Variants in CEP112 observed in about 807,000 individuals in gnomAD.
The protein encoded by CEP112 is centrosomal protein 112.
Under a neutral mutation model 153.0 loss-of-function variants are expected in CEP112, and 127 were observed. The observed-to-expected ratio is 0.83, with a 90% CI of 0.72 to 0.96. The LOEUF is 0.96. CEP112 is among the 40% of genes least tolerant of loss of function. CEP112 has a pLI of 0.00. For synonymous variants in CEP112, 358 were observed against 374.4 expected (o/e 0.96, Z 0.51); for missense variants, 1,089 against 1,101.2 (o/e 0.99, Z 0.16).
intron 21 of CEP112, among the ~76,000 whole-genome samples, chr17:65,845,751 T>G (rs1286234958): frequency 6.6e-6 from 1 of 152,198 alleles, no homozygotes; most frequent in Non-Finnish European, 1.5e-5. Context: ...TTTATGGACT[T>G]TGTTTCAATT....
intron 21 of CEP112, among the ~76,000 whole-genome samples, chr17:65,841,876 C>G (rs1390521093): frequency 6.7e-6 from 1 of 148,454 alleles, no homozygotes; most frequent in African/African-American, 2.4e-5. Context: ...AAAGTCCCCC[C>G]AGACCTAAAC....
At chr17:66,186,108 G>A (rs956992615) in intron 1 of CEP112, among the ~76,000 whole-genome samples, 6 of 151,500 alleles carry the variant, frequency 4.0e-5, no homozygotes, top group African/African-American at 1.5e-4. Context: ...CCATGCAATG[G>A]AAGGAAAACA....
At position 66,130,775 on chromosome 17, in the gene CEP112, C is replaced by CAAAA. The variant is rs539232836; in HGVS notation, c.565-956_565-953dup. Among the ~76,000 whole-genome samples, 135 of 84,798 alleles carry CAAAA rather than the reference C, an allele frequency of 1.6e-3. 2 individuals are homozygous for CAAAA. Among genetic ancestry groups the CAAAA allele is most frequent in the Admixed American group, 2.4e-3 (17 of 7,112 alleles). 55.6% of individuals were successfully genotyped at this position (84,798 alleles called of 152,430 possible). On this transcript the variant is annotated intron_variant, in intron 5 of 26. Transcript: ENST00000535342. ...TGGGCGACAGAGCGAGACTCCGTCTCAAAAAAAAAAAAAAAAAACACACAC... is the reference window on the plus strand; with the variant it reads ...TGGGCGACAGAGCGAGACTCCGTCTCAAAAAAAAAAAAAAAAAAAAAACACACAC...
intron 17 of CEP112, among the ~76,000 whole-genome samples, chr17:65,967,279 T>A (rs1002340892): frequency 1.3e-5 from 2 of 152,164 alleles, no homozygotes; most frequent in African/African-American, 4.8e-5. Context: ...AAAAACCTCT[T>A]AAGAAGATAT....
chr17:65,951,749 C>CCCCCCCG (rs71160510), intron 18 of CEP112, among the ~76,000 whole-genome samples: 24,442 of 104,804 alleles, frequency 0.23, 4,918 homozygotes, highest in East Asian at 0.72. Flanking sequence ...CCCCGCCCCC[C>CCCCCCCG]CCTTTCTTCC....
chr17:66,165,697 T>A (rs2071924937), intron 4 of CEP112, among the ~76,000 whole-genome samples: 1 of 152,226 alleles, frequency 6.6e-6, no homozygotes, highest in Non-Finnish European at 1.5e-5. Context: ...ATTAACTTCT[T>A]CAACCACAAG....
intron 12 of CEP112, among the ~76,000 whole-genome samples, chr17:66,047,925 C>T (rs4479282): frequency 0.41 from 62,481 of 151,978 alleles, 14,313 homozygotes; most frequent in East Asian, 0.87. Flanking sequence ...TCCAGAGATG[C>T]TCAAGTCCCT....
intron 24 of CEP112, among the ~76,000 whole-genome samples, chr17:65,667,524 A>G (rs1347310909): frequency 6.6e-6 from 1 of 151,726 alleles, no homozygotes; most frequent in Non-Finnish European, 1.5e-5. Context: ...CTATAATTTA[A>G]GAAGGATATG....
At position 66,128,061 on chromosome 17, in the gene CEP112, G is replaced by C. The variant is rs553084526; in HGVS notation, c.642+1685C>G. On this transcript the variant is annotated intron_variant, in intron 6 of 26. Transcript: ENST00000535342. ...CACACTTGTAATCCCAGCACTCTGG[G>C]AGGCCAAGGTGGGCAGATCACCTGA... Among the ~76,000 whole-genome samples the C allele has an allele frequency of 2.6e-5, 4 of 152,252 alleles. No individual in the cohort carries two copies. The South Asian group carries it at 8.3e-4, about 32-fold the overall frequency.
intron 4 of CEP112, among the ~76,000 whole-genome samples, chr17:66,154,469 C>T (rs1598452463): frequency 2.6e-5 from 4 of 152,086 alleles, no homozygotes; most frequent in South Asian, 2.1e-4. Flanking sequence ...GAGCCAAGAT[C>T]GTGCCACTGC....
At chr17:66,126,219 T>C (rs1415316931) in intron 6 of CEP112, among the ~76,000 whole-genome samples, 1 of 152,218 alleles carries the variant, frequency 6.6e-6, no homozygotes, top group Non-Finnish European at 1.5e-5. Flanking sequence ...CTTAAAACTG[T>C]AGCACTTTAC....
intron 11 of CEP112, among the ~76,000 whole-genome samples, chr17:66,056,948 G>A (rs1285704330): frequency 6.6e-6 from 1 of 152,102 alleles, no homozygotes; most frequent in Admixed American, 6.6e-5. Flanking sequence ...TTGACAGCTG[G>A]GGCAAAAGTC....
At chr17:65,730,220 G>T (rs1034396043) in intron 23 of CEP112, among the ~76,000 whole-genome samples, 1 of 152,160 alleles carries the variant, frequency 6.6e-6, no homozygotes, top group Non-Finnish European at 1.5e-5. Flanking sequence ...AATAAAAACT[G>T]CCAGAGAATA....
At chr17:66,133,224 C>A (rs1044020941) in intron 4 of CEP112, among the ~76,000 whole-genome samples, 1 of 152,098 alleles carries the variant, frequency 6.6e-6, no homozygotes, top group African/African-American at 2.4e-5. Context: ...TAATAAATCA[C>A]CTGTATTTAA....
chr17:65,938,925 C>T (rs573236262), intron 18 of CEP112, among the ~76,000 whole-genome samples: 2 of 152,198 alleles, frequency 1.3e-5, no homozygotes, highest in African/African-American at 4.8e-5. Context: ...AATTCTCCTG[C>T]CTCAGCCTCC....
chr17:66,161,600 C>T (rs1386466025), intron 4 of CEP112, among the ~76,000 whole-genome samples: 1 of 151,982 alleles, frequency 6.6e-6, no homozygotes, highest in Non-Finnish European at 1.5e-5. Context: ...AACCAAACAC[C>T]GCATGTTCTC....
At chr17:66,171,940 T>G (rs2072259831) in intron 4 of CEP112, among the ~76,000 whole-genome samples, 1 of 152,186 alleles carries the variant, frequency 6.6e-6, no homozygotes, top group Non-Finnish European at 1.5e-5. Context: ...AGGGAATCGC[T>G]ATAAACTACA....
intron 4 of CEP112, among the ~76,000 whole-genome samples, chr17:66,146,490 T>C (rs2070925419): frequency 6.6e-6 from 1 of 152,122 alleles, no homozygotes; most frequent in Non-Finnish European, 1.5e-5. Context: ...CTTTTTAAAA[T>C]GTTTTATTAT....
At chr17:65,906,269 G>GT (rs897414451) in intron 19 of CEP112, among the ~76,000 whole-genome samples, 1 of 151,854 alleles carries the variant, frequency 6.6e-6, no homozygotes, top group South Asian at 2.1e-4. Flanking sequence ...GCCTGTCGGG[G>GT]GGGTAGGGGA....
Sources: allele counts gnomAD v4.1 joint callset (sites outside exome capture counted in the v4.1 genomes callset), GRCh38; gene constraint gnomAD v4.1.1; transcripts MANE v1.5; gene names NCBI Gene and HGNC (gene_info 2026-07-23, HGNC 2026-07-21).